Variants in OR1M1 observed in about 807,000 individuals in gnomAD.
The protein encoded by OR1M1 is olfactory receptor 1M1.
For missense variants in OR1M1, 397 were observed against 401.8 expected (o/e 0.99, Z 0.10); for synonymous variants, 157 against 165.5 (o/e 0.95, Z 0.39).
chr19:9,090,726 G>A (rs1044896382), intron 1 of OR1M1, among the ~76,000 whole-genome samples: 9 of 151,700 alleles, frequency 5.9e-5, no homozygotes, highest in African/African-American at 9.7e-5. Context: ...GAGCCACCGC[G>A]CCCGGCCGAC....
Position 9,094,081 on chromosome 19 carries a change from A to C in OR1M1, c.837A>C (p.Thr279=), listed in dbSNP as rs748771920. 6.2e-7 allele frequency: 1 copy of C among 1,613,090 alleles called. No individual in the cohort carries two copies. The highest frequency in any genetic ancestry group is 8.5e-7 in the Non-Finnish European group (1 of 1,179,186). The change falls in exon 2 of 2, where the codon ACA becomes ACC. Residue 279 remains threonine, a synonymous_variant. Coordinates refer to ENST00000641627, the MANE Select transcript of OR1M1 (RefSeq NM_001004456.2). ...VKEKASAVMY[T]AVTPMLNPFI... ...AGAAAGCTTCTGCGGTGATGTACAC[A>C]GCAGTCACCCCCATGCTGAATCCCT...
At chr19:9,092,946 A>T (rs1177681547) in intron 1 of OR1M1, among the ~76,000 whole-genome samples, 1 of 148,976 alleles carries the variant, frequency 6.7e-6, no homozygotes, top group African/African-American at 2.5e-5. Flanking sequence ...AATAATATAT[A>T]TAATATTTCT....
chr19:9,094,234 A>G lies in OR1M1; in HGVS notation c.*48A>G. 8.9e-7 allele frequency: 1 copy of G among 1,128,180 alleles called. No homozygotes were observed. Among genetic ancestry groups the G allele is most frequent in the East Asian group, 2.4e-5 (1 of 41,692 alleles). 69.9% of individuals were successfully genotyped at this position (1,128,180 alleles called of 1,614,324 possible). ...GGGGGGTAGAATATATACATCTGGG[A>G]GTCTTGGGCTAACATCTGGAATTGC... is the stretch of plus-strand genomic sequence containing the variant. On this transcript the variant is annotated 3_prime_UTR_variant, in exon 2 of 2. Transcript: ENST00000641627.
At position 9,094,023 on chromosome 19, in the gene OR1M1, T is replaced by C; in HGVS notation, c.779T>C (p.Leu260Pro). ...TATGGGACCACCATTGGCGTCTATCTGTGTCCCTCCTCGGTCCTCACCACT... is the reference window on the plus strand; with the variant it reads ...TATGGGACCACCATTGGCGTCTATCCGTGTCCCTCCTCGGTCCTCACCACT... ...LFYGTTIGVY[L>P]CPSSVLTTVK... Residue 260 changes from leucine to proline, a missense_variant, in exon 2 of 2, where the codon CTG becomes CCG. Physicochemically the swap from Leu to Pro is moderately conservative, Grantham distance 98. Transcript: ENST00000641627. 6.2e-7 allele frequency: 1 copy of C among 1,614,160 alleles called. No individual in the cohort carries two copies. Among genetic ancestry groups the C allele is most frequent in the Non-Finnish European group, 8.5e-7 (1 of 1,180,036 alleles).
intron 1 of OR1M1, among the ~76,000 whole-genome samples, chr19:9,088,235 T>C (rs144214354): frequency 1.3e-5 from 2 of 152,256 alleles, no homozygotes; most frequent in East Asian, 3.9e-4. Context: ...AAGGAACAGA[T>C]GGCTTCCTCC....
intron 1 of OR1M1, 31 bp from the exon 2 acceptor site, chr19:9,093,201 T>A: frequency 7.1e-7 from 1 of 1,405,320 alleles, no homozygotes. Flanking sequence ...CTCCCTGTCA[T>A]TCCTATAACC....
Position 9,094,316 on chromosome 19 carries a change from G to T in OR1M1, c.*130G>T. Reference sequence around the variant, plus strand: ...TTATTATTATTATTATTTAGAGATGGGGTCTCACTATGTTGCCCGTGCTGG... The same window carrying T: ...TTATTATTATTATTATTTAGAGATGTGGTCTCACTATGTTGCCCGTGCTGG... On this transcript the variant is annotated 3_prime_UTR_variant, in exon 2 of 2. Transcript: ENST00000641627. The T allele has an allele frequency of 1.7e-6, 1 of 603,230 alleles. No homozygotes were observed. The highest frequency in any genetic ancestry group is 2.9e-6 in the Non-Finnish European group (1 of 347,798). The allele number at this position is 603,230 out of a possible 1,614,324, so 37.4% of individuals were successfully genotyped here. A position where few individuals can be genotyped will look rare whatever the true frequency, so the allele number is the denominator to read the frequency against.
At chr19:9,089,197 C>G (rs1600197359) in intron 1 of OR1M1, among the ~76,000 whole-genome samples, 1 of 152,102 alleles carries the variant, frequency 6.6e-6, no homozygotes, top group South Asian at 2.1e-4. Context: ...TCTGCCCCCT[C>G]CCTCTACCCT....
chr19:9,089,126 C>G (rs1173421486), intron 1 of OR1M1, among the ~76,000 whole-genome samples: 1 of 152,136 alleles, frequency 6.6e-6, no homozygotes, highest in Admixed American at 6.6e-5. Context: ...GGATATAGAA[C>G]ACTAGAACTT....
rs1294956116 is a variant in OR1M1, at chr19:9,093,681, G to C, written c.437G>C (p.Gly146Ala). The C allele has an allele frequency of 8.1e-6, 13 of 1,614,120 alleles. No individual in the cohort carries two copies. The East Asian group carries it at 2.7e-4, about 33-fold the overall frequency. ...MSLRLCRLLV[G>A]ALWAFSCFIS... ...CTACGCCTCTGTCGCCTGCTGGTCGGCGCCCTCTGGGCGTTTTCCTGCTTC... is the reference window on the plus strand; with the variant it reads ...CTACGCCTCTGTCGCCTGCTGGTCGCCGCCCTCTGGGCGTTTTCCTGCTTC... The change falls in exon 2 of 2, where the codon GGC becomes GCC. Residue 146 changes from glycine to alanine, a missense_variant. By Grantham distance (60) the Gly-to-Ala change is moderately conservative. Coordinates refer to ENST00000641627, the MANE Select transcript of OR1M1 (RefSeq NM_001004456.2).
At chr19:9,088,040 G>A (rs192208454) in intron 1 of OR1M1, among the ~76,000 whole-genome samples, 11 of 151,960 alleles carry the variant, frequency 7.2e-5, no homozygotes, top group South Asian at 2.1e-4. Flanking sequence ...ACAGATGCCC[G>A]CCACCACACC....
intron 1 of OR1M1, among the ~76,000 whole-genome samples, chr19:9,088,888 C>A (rs2050278242): frequency 6.7e-6 from 1 of 149,222 alleles, no homozygotes; most frequent in African/African-American, 2.5e-5. Context: ...AACTCTGTCT[C>A]AAAAAAAAAA....
chr19:9,090,050 A>G (rs1418862585), intron 1 of OR1M1, among the ~76,000 whole-genome samples: 1 of 152,180 alleles, frequency 6.6e-6, no homozygotes, highest in Admixed American at 6.6e-5. Context: ...TAGCACTAAC[A>G]TTATTCTGTT....
intron 1 of OR1M1, among the ~76,000 whole-genome samples, chr19:9,088,652 G>T (rs554134385): frequency 6.6e-6 from 1 of 152,080 alleles, no homozygotes; most frequent in African/African-American, 2.4e-5. Context: ...TTGGAAGGCC[G>T]AGGCGGGCGG....
chr19:9,089,306 CT>C (rs2050280450), intron 1 of OR1M1, among the ~76,000 whole-genome samples: 1 of 151,926 alleles, frequency 6.6e-6, no homozygotes, highest in Non-Finnish European at 1.5e-5. Flanking sequence ...GTTTAACTTT[CT>C]GTTCCTGGCT....
intron 1 of OR1M1, 77 bp from the exon 2 acceptor site, chr19:9,093,155 A>G: frequency 1.3e-6 from 1 of 775,734 alleles, no homozygotes; most frequent in Non-Finnish European, 2.1e-6. Context: ...CCAAATGAGA[A>G]CTGGGATGTG....
chr19:9,087,097 G>A lies in OR1M1; in HGVS notation c.-74G>A, dbSNP rs1382222112. On this transcript the variant is annotated 5_prime_UTR_variant, in exon 1 of 2. Coordinates refer to ENST00000641627, the MANE Select transcript of OR1M1 (RefSeq NM_001004456.2). ...TTCATCATCTAGTACCTGCTGGGAGGACACTGAGCCAGTTTAACTCATGCC... is the reference window on the plus strand; with the variant it reads ...TTCATCATCTAGTACCTGCTGGGAGAACACTGAGCCAGTTTAACTCATGCC... 3.3e-5 allele frequency: 5 copies of A among 152,000 alleles called. No individual in the cohort carries two copies. Among genetic ancestry groups the A allele is most frequent in the African/African-American group, 4.8e-5 (2 of 41,392 alleles). The allele number at this position is 152,000 out of a possible 1,614,324, so 9.4% of individuals were successfully genotyped here. A position where few individuals can be genotyped will look rare whatever the true frequency, so the allele number is the denominator to read the frequency against.
chr19:9,092,378 A>T (rs12462873), intron 1 of OR1M1, among the ~76,000 whole-genome samples: 1 of 151,868 alleles, frequency 6.6e-6, no homozygotes, highest in Non-Finnish European at 1.5e-5. Flanking sequence ...AGGATCACTC[A>T]AGCTCAGGAA....
chr19:9,091,121 C>T (rs183447922), intron 1 of OR1M1, among the ~76,000 whole-genome samples: 2 of 151,868 alleles, frequency 1.3e-5, no homozygotes, highest in East Asian at 2.0e-4. Flanking sequence ...GAGCCGAGAT[C>T]GTGCCACCGC....
Sources: gnomAD v4.1 joint callset for allele counts (sites outside exome capture counted in the v4.1 genomes callset) on GRCh38, gnomAD v4.1.1 for gene constraint, MANE v1.5 for transcripts, NCBI Gene and HGNC (gene_info 2026-07-23, HGNC 2026-07-21) for gene names.